Variants in SUMF1 observed in about 807,000 individuals in gnomAD.
SUMF1 encodes formylglycine-generating enzyme.
In SUMF1, 48 loss-of-function variants were observed where a neutral mutation model predicts 47.6. That is an observed-to-expected ratio of 1.01 (90% CI 0.80 to 1.28). The LOEUF is 1.28. Among genes scored for constraint, SUMF1 ranks in the 50% most tolerant of loss-of-function variants. The pLI, the probability that SUMF1 is intolerant of heterozygous loss-of-function variation, is 0.00. For missense variants in SUMF1, 571 were observed against 485.4 expected (o/e 1.18, Z -1.66); for synonymous variants, 230 against 192.1 (o/e 1.20, Z -1.63).
chr3:4,303,245 A>G, intron 8 of SUMF1: 1 of 1,078,190 alleles, frequency 9.3e-7, no homozygotes, highest in East Asian at 3.2e-5. Context: ...AGCGCCTTCC[A>G]GGCCACTCCT....
At position 4,068,623 on chromosome 3, in the gene SUMF1, C is replaced by T. The variant is rs189612645; in HGVS notation, c.1137G>A (p.Gln379=). The T allele has an allele frequency of 4.9e-4, 213 of 436,834 alleles. 1 individual carries two copies. The highest frequency in any genetic ancestry group is 3.6e-3 in the African/African-American group (180 of 49,724). The allele number at this position is 436,834 out of a possible 1,614,324, so 27.1% of individuals were successfully genotyped here. Residue 379 remains glutamine (Q), a synonymous_variant and NMD_transcript_variant, in exon 9 of 13, where the codon CAG becomes CAA. Transcript: ENST00000448413. The stretch of plus-strand genomic sequence containing the variant: ...TCAAACGTTCAATAGCTGCATATTG[C>T]TGATGCCTACGTATTGAGCAGCATG...
intron 2 of SUMF1, among the ~76,000 whole-genome samples, chr3:4,449,657 T>A (rs1276068548): frequency 6.6e-6 from 1 of 152,182 alleles, no homozygotes; most frequent in African/African-American, 2.4e-5. Context: ...CTCTGGGAAA[T>A]AGTATTCTGT....
intron 8 of SUMF1, among the ~76,000 whole-genome samples, chr3:4,077,594 G>C (rs1044025957): frequency 1.3e-5 from 2 of 152,038 alleles, no homozygotes; most frequent in African/African-American, 4.8e-5. Flanking sequence ...CTCATAAGTG[G>C]GAGTTCAACA....
chr3:4,292,960 T>TG (rs1697769097), intron 8 of SUMF1, among the ~76,000 whole-genome samples: 1 of 152,178 alleles, frequency 6.6e-6, no homozygotes, highest in South Asian at 2.1e-4. Context: ...GCTAAGCTCA[T>TG]GGGTGAGTTC....
chr3:4,229,322 C>A, intron 8 of SUMF1: 1 of 411,490 alleles, frequency 2.4e-6, no homozygotes, highest in Non-Finnish European at 4.8e-6. Context: ...GTGAAATCCT[C>A]TGGTGAGCCT....
At chr3:4,070,591 A>C (rs34974650) in intron 8 of SUMF1, among the ~76,000 whole-genome samples, 12,888 of 152,172 alleles carry the variant, frequency 0.085, 774 homozygotes, top group South Asian at 0.24. Flanking sequence ...AAGAAAAGGG[A>C]AAGATAGGGC....
intron 8 of SUMF1, among the ~76,000 whole-genome samples, chr3:4,325,735 C>T (rs1368331238): frequency 6.6e-6 from 1 of 151,452 alleles, no homozygotes; most frequent in African/African-American, 2.4e-5. Flanking sequence ...GATTCCAACT[C>T]AGAAAAATGG....
intron 8 of SUMF1, among the ~76,000 whole-genome samples, chr3:4,198,772 T>C (rs1307192303): frequency 6.6e-6 from 1 of 151,944 alleles, no homozygotes; most frequent in Non-Finnish European, 1.5e-5. Flanking sequence ...CTGGCAACTG[T>C]CTCCACTGAA....
Position 4,151,078 on chromosome 3 carries a change from T to C in SUMF1, c.1015-82333A>G, listed in dbSNP as rs527525734. On this transcript the variant is annotated intron_variant and NMD_transcript_variant, in intron 8 of 12. Coordinates refer to the SUMF1 transcript ENST00000448413. ...TAACGTCTGGTGGGGGCCTCATCTT[T>C]TAGAATCGCTGTTCTCAAGAAACAG... is the stretch of plus-strand genomic sequence containing the variant. Among the ~76,000 whole-genome samples the C allele has an allele frequency of 1.8e-4, 27 of 151,480 alleles. 1 individual carries two copies. The South Asian group carries it at 5.2e-3, about 29-fold the overall frequency.
chr3:4,127,548 C>T (rs1274660214), intron 8 of SUMF1, among the ~76,000 whole-genome samples: 1 of 152,138 alleles, frequency 6.6e-6, no homozygotes, highest in East Asian at 1.9e-4. Context: ...CTGGATGCTT[C>T]CTGCTCTCAA....
intron 8 of SUMF1, among the ~76,000 whole-genome samples, chr3:4,119,725 C>T: frequency 6.6e-6 from 1 of 152,130 alleles, no homozygotes; most frequent in Non-Finnish European, 1.5e-5. Context: ...CACACACACA[C>T]ACACACACAC....
chr3:4,114,530 T>G (rs1483841879), intron 8 of SUMF1, among the ~76,000 whole-genome samples: 1 of 152,170 alleles, frequency 6.6e-6, no homozygotes, highest in Admixed American at 6.5e-5. Context: ...TAATGTAAAC[T>G]ATTATTTGCA....
chr3:4,133,437 C>T (rs567876648), intron 8 of SUMF1, among the ~76,000 whole-genome samples: 10 of 152,046 alleles, frequency 6.6e-5, no homozygotes, highest in Non-Finnish European at 1.5e-4. Flanking sequence ...TACTAAGTGT[C>T]AACTTGACTG....
At chr3:4,137,062 G>A (rs1338858791) in intron 8 of SUMF1, among the ~76,000 whole-genome samples, 4 of 152,104 alleles carry the variant, frequency 2.6e-5, no homozygotes, top group African/African-American at 9.6e-5. Flanking sequence ...AAGACAGTGT[G>A]GCGATTCCTC....
intron 8 of SUMF1, among the ~76,000 whole-genome samples, chr3:4,184,708 G>A (rs1695165639): frequency 6.7e-6 from 1 of 150,226 alleles, no homozygotes; most frequent in Admixed American, 6.6e-5. Flanking sequence ...GAGTATAGTG[G>A]TGTGATCTCG....
chr3:4,035,501 T>G (rs1013175616), intron 9 of SUMF1, among the ~76,000 whole-genome samples: 2 of 152,206 alleles, frequency 1.3e-5, no homozygotes, highest in Non-Finnish European at 2.9e-5. Context: ...TTCAAAATGA[T>G]CTCATATTTA....
chr3:4,412,469 C>T (rs1701574477), intron 6 of SUMF1, among the ~76,000 whole-genome samples: 1 of 152,052 alleles, frequency 6.6e-6, no homozygotes, highest in Non-Finnish European at 1.5e-5. Flanking sequence ...ACTTTTTCAA[C>T]AATTTGGAGA....
chr3:4,104,666 TTCTCTCTC>T (rs111963235), intron 8 of SUMF1, among the ~76,000 whole-genome samples: 10 of 146,752 alleles, frequency 6.8e-5, no homozygotes, highest in Non-Finnish European at 7.5e-5. Context: ...AAATCTCGAT[TTCTCTCTC>T]TCTCTCTCTC....
At chr3:4,238,987 G>A (rs1031299733) in intron 8 of SUMF1, among the ~76,000 whole-genome samples, 2 of 151,962 alleles carry the variant, frequency 1.3e-5, no homozygotes, top group African/African-American at 4.8e-5. Context: ...TCAGCTTTCT[G>A]CATATGGCTA....
Sources: allele counts gnomAD v4.1 joint callset (sites outside exome capture counted in the v4.1 genomes callset), GRCh38; gene constraint gnomAD v4.1.1; transcripts MANE v1.5; gene names NCBI Gene and HGNC (gene_info 2026-07-23, HGNC 2026-07-21).